The following CTBP2 variants were observed in gnomAD, a reference collection of about 807,000 sequenced individuals.
CTBP2 encodes C-terminal-binding protein 2.
Under a neutral mutation model 80.3 loss-of-function variants are expected in CTBP2, and 30 were observed. The ratio of observed to expected loss-of-function variants is 0.37; its 90% CI spans 0.28 to 0.51. The LOEUF (loss-of-function observed/expected upper bound fraction) is 0.51. CTBP2 is among the 20% of genes least tolerant of loss of function. The pLI, the probability that CTBP2 is intolerant of heterozygous loss-of-function variation, is 0.93. For missense variants in CTBP2, 1,212 were observed against 1,375.3 expected (o/e 0.88, Z 1.88); for synonymous variants, 594 against 587.4 (o/e 1.01, Z -0.16).
chr10:125,159,634 C>T (rs1861595461), intron 1 of CTBP2, among the ~76,000 whole-genome samples: 1 of 150,562 alleles, frequency 6.6e-6, no homozygotes, highest in South Asian at 2.1e-4. Context: ...CGGGATCCCC[C>T]GCCGGCAGGG....
At chr10:125,139,363 C>A (rs1398114440) in intron 1 of CTBP2, among the ~76,000 whole-genome samples, 1 of 107,952 alleles carries the variant, frequency 9.3e-6, no homozygotes, top group Admixed American at 1.2e-4. Flanking sequence ...GGTGACAGAG[C>A]TAGACTGTCT....
chr10:125,047,165 C>CAA lies in CTBP2; in HGVS notation c.-101-8012_-101-8011dup, dbSNP rs35470596. ...GTGTTATTTAATAATAAAGGTTAAG[C>CAA]AAAAAAAAAGGGATAAAAGCAAATA... is the stretch of plus-strand genomic sequence containing the variant. On this transcript the variant is annotated intron_variant, in intron 2 of 10. Transcript: ENST00000337195. Among the ~76,000 whole-genome samples the CAA allele has an allele frequency of 6.7e-5, 10 of 148,856 alleles. No individual in the cohort carries two copies. In the South Asian group the frequency reaches 1.1e-3, roughly 16 times the overall value.
intron 2 of CTBP2, among the ~76,000 whole-genome samples, chr10:125,074,013 A>C (rs946917426): frequency 1.3e-5 from 2 of 152,148 alleles, no homozygotes; most frequent in Non-Finnish European, 2.9e-5. Flanking sequence ...GTTCAGCTGT[A>C]TCTCTCCCCC....
intron 2 of CTBP2, among the ~76,000 whole-genome samples, chr10:125,074,340 T>C (rs1470575879): frequency 6.6e-6 from 1 of 152,218 alleles, no homozygotes; most frequent in Non-Finnish European, 1.5e-5. Context: ...CCCTCTGCAG[T>C]GAACACTGTC....
At position 124,998,162 on chromosome 10, in the gene CTBP2, C is replaced by T. The variant is rs1339415336; in HGVS notation, c.1987G>A (p.Val663Met). ...ACGGCTGCAGACGGGATGTTGCACA[C>T]GGCAATTCCTGAAAGGGATGAGGCC... Residue 663 changes from valine to methionine, a missense_variant, in exon 4 of 9, where the codon GTG (valine) becomes ATG (methionine). Val to Met is a conservative substitution (Grantham distance 21, BLOSUM62 1). Coordinates refer to ENST00000309035, the MANE Select transcript of CTBP2 (RefSeq NM_022802.3). The T allele has an allele frequency of 3.7e-6, 6 of 1,605,484 alleles. No individual in the cohort carries two copies. Among genetic ancestry groups the T allele is most frequent in the African/African-American group, 1.3e-5 (1 of 75,026 alleles).
At chr10:125,010,219 TAAAAAAAAAAA>T (rs59517853) in intron 1 of CTBP2, among the ~76,000 whole-genome samples, 33 of 105,998 alleles carry the variant, frequency 3.1e-4, no homozygotes, top group Non-Finnish European at 5.3e-4. Flanking sequence ...ATTTTAAGGT[TAAAAAAAAAAA>T]AAAAAAAAAA....
In CTBP2 at chr10:125,066,911, C is replaced by T. The variant is rs1191140790; in HGVS notation, c.-101-27756G>A. Among the ~76,000 whole-genome samples the T allele has an allele frequency of 2.0e-5, 3 of 152,130 alleles. No homozygotes were observed. The highest frequency in any genetic ancestry group is 1.3e-4 in the Admixed American group (2 of 15,284). On this transcript the variant is annotated intron_variant, in intron 2 of 10. Coordinates refer to the CTBP2 transcript ENST00000337195. This position sits in a 1 kb window ranked among gnomAD's most constrained non-coding sequence, Gnocchi z 4.1. Reference sequence around the variant, plus strand: ...TCCTATCTCCCCTGGGCAGTCTTCCCAGCTCCATGGAAAAGTCTTTGGTCA... The same window carrying T: ...TCCTATCTCCCCTGGGCAGTCTTCCTAGCTCCATGGAAAAGTCTTTGGTCA...
At chr10:125,121,910 C>T (rs770283364) in intron 1 of CTBP2, among the ~76,000 whole-genome samples, 11 of 152,312 alleles carry the variant, frequency 7.2e-5, no homozygotes, top group Non-Finnish European at 1.3e-4. Context: ...TGATGGTCCT[C>T]GATGCAGGTG....
chr10:125,020,464 A>G (rs1332655356), intron 1 of CTBP2, among the ~76,000 whole-genome samples: 1 of 152,222 alleles, frequency 6.6e-6, no homozygotes, highest in Non-Finnish European at 1.5e-5. Context: ...GCCCCTGTAG[A>G]CATGAGGAGG....
At position 124,986,083 on chromosome 10, in the gene CTBP2, CTTTAA is replaced by C. The variant is rs1050864386; in HGVS notation, c.*3430_*3434del. 1.6e-4 allele frequency: 24 copies of C among 152,558 alleles called. No individual in the cohort carries two copies. The highest frequency in any genetic ancestry group is 5.1e-4 in the African/African-American group (21 of 41,412). 9.5% of individuals were successfully genotyped at this position (152,558 alleles called of 1,614,324 possible). ...TGCATGTTGGTTAATTGTGGCCATTCTTTAATTTAAAGTTAAAACTATAATCTTAG... is the reference window on the plus strand; with the variant it reads ...TGCATGTTGGTTAATTGTGGCCATTCTTTAAAGTTAAAACTATAATCTTAG... On this transcript the variant is annotated 3_prime_UTR_variant, in exon 9 of 9. Coordinates refer to ENST00000309035, the MANE Select transcript of CTBP2 (RefSeq NM_022802.3).
chr10:125,121,874 CAA>C (rs998853234), intron 1 of CTBP2, among the ~76,000 whole-genome samples: 6 of 152,226 alleles, frequency 3.9e-5, no homozygotes, highest in African/African-American at 1.4e-4. Flanking sequence ...CACATTCAGC[CAA>C]AGTGAGTTCC....
intron 1 of CTBP2, among the ~76,000 whole-genome samples, chr10:125,010,882 G>A (rs541953734): frequency 2.0e-5 from 3 of 152,140 alleles, no homozygotes; most frequent in Non-Finnish European, 4.4e-5. Context: ...CCTCCAGTGA[G>A]GTACAACCAG....
intron 1 of CTBP2, among the ~76,000 whole-genome samples, chr10:125,012,257 G>A (rs1274166475): frequency 6.6e-6 from 1 of 152,194 alleles, no homozygotes; most frequent in Non-Finnish European, 1.5e-5. Context: ...AGAAGCCGGA[G>A]CAACATCCAA....
chr10:125,135,085 C>T (rs1856791193), intron 1 of CTBP2, among the ~76,000 whole-genome samples: 1 of 152,178 alleles, frequency 6.6e-6, no homozygotes, highest in African/African-American at 2.4e-5. Context: ...CTGCGCTGGG[C>T]TAGAGGGGAG....
chr10:124,992,923 A>C (rs2134106183), intron 7 of CTBP2, 111 bp from the exon 10 acceptor site: 4 of 962,924 alleles, frequency 4.2e-6, no homozygotes, highest in Non-Finnish European at 6.2e-6. Flanking sequence ...AAAATGTAGA[A>C]CATCCAAAGG....
intron 1 of CTBP2, among the ~76,000 whole-genome samples, chr10:125,155,997 T>C (rs73379169): frequency 0.061 from 9,351 of 152,236 alleles, 948 homozygotes; most frequent in African/African-American, 0.21. Context: ...CATAGAAAGA[T>C]TGCTGGGGAA....
rs770720267 is a variant in CTBP2 at position 125,026,918 on chromosome 10, T to C, written c.842A>G (p.Gln281Arg). ...CACGGTCCTCTTGCCACCAGGACCC[T>C]GGAAGGTGGACAGGTCAGCTTCGTA... The change falls in exon 1 of 9, where the codon CAG (glutamine) becomes CGG (arginine). Residue 281 changes from glutamine to arginine, a missense_variant. Physicochemically the swap from Gln to Arg is conservative, Grantham distance 43. Around this residue, in one of 3 missense-constraint regions of CTBP2, gnomAD observed 848 missense variants for 782.3 expected, o/e 1.08. Coordinates refer to ENST00000309035, the MANE Select transcript of CTBP2 (RefSeq NM_022802.3). 5.6e-6 allele frequency: 9 copies of C among 1,613,920 alleles called. No individual in the cohort carries two copies. Among genetic ancestry groups the C allele is most frequent in the Non-Finnish European group, 6.8e-6 (8 of 1,180,012 alleles).
chr10:124,997,547 C>T lies in CTBP2; in HGVS notation c.2185+417G>A, dbSNP rs572790657. ...CATTTGAAGGCCTTCAGGAGTGAGGCCATGTCCATAACCCGCGTCTCCACT... is the reference window on the plus strand; with the variant it reads ...CATTTGAAGGCCTTCAGGAGTGAGGTCATGTCCATAACCCGCGTCTCCACT... On this transcript the variant is annotated intron_variant, in intron 4 of 8. Coordinates refer to ENST00000309035, the MANE Select transcript of CTBP2 (RefSeq NM_022802.3). The T allele has an allele frequency of 4.0e-4, 82 of 202,834 alleles. 1 individual carries two copies. The South Asian group carries it at 7.7e-3, about 19-fold the overall frequency. 12.6% of individuals were successfully genotyped at this position (202,834 alleles called of 1,614,324 possible).
At chr10:125,060,930 C>T (rs1340226571) in intron 2 of CTBP2, among the ~76,000 whole-genome samples, 1 of 152,200 alleles carries the variant, frequency 6.6e-6, no homozygotes. Context: ...AGGGTGACAC[C>T]TGCAGACAGT....
Sources: allele counts gnomAD v4.1 joint callset (sites outside exome capture counted in the v4.1 genomes callset), GRCh38; gene constraint gnomAD v4.1.1; regional missense constraint gnomAD v4.1.1; non-coding constraint Gnocchi (gnomAD v3.1); transcripts MANE v1.5; gene names NCBI Gene and HGNC (gene_info 2026-07-23, HGNC 2026-07-21).